Variants in PIBF1 observed in about 807,000 individuals in gnomAD.
PIBF1 encodes progesterone immunomodulatory binding factor 1.
Under a neutral mutation model 112.5 loss-of-function variants are expected in PIBF1, and 90 were observed. The observed-to-expected ratio is 0.80, with a 90% CI of 0.67 to 0.95. The LOEUF is 0.95. Among genes scored for constraint, PIBF1 ranks in the 40% least tolerant of loss-of-function variants. The pLI, the probability that PIBF1 is intolerant of heterozygous loss-of-function variation, is 0.00. For missense variants in PIBF1, 915 were observed against 852.3 expected, an observed-to-expected ratio of 1.07 and a Z score of -0.92; for synonymous variants, 301 against 288.6, an observed-to-expected ratio of 1.04 and a Z score of -0.44.
At position 72,793,395 on chromosome 13, in the gene PIBF1, T is replaced by A. The variant is rs78851602; in HGVS notation, c.353+848T>A. ...ACACTAGATTAGTGGACCTCAAACT[T>A]TAGCATGTATCAGGAACAGTTGAAG... On this transcript the variant is annotated intron_variant, in intron 3 of 17. Transcript: ENST00000326291. Among the ~76,000 whole-genome samples, 1,053 of 152,260 alleles carry A rather than the reference T, an allele frequency of 6.9e-3. 15 individuals carry two copies. The highest frequency in any genetic ancestry group is 0.024 in the African/African-American group (1,017 of 41,554).
Position 72,847,922 on chromosome 13 carries a change from A to T in PIBF1, c.1224-6135A>T, listed in dbSNP as rs144455429. Among the ~76,000 whole-genome samples the T allele has an allele frequency of 2.4e-3, 367 of 152,318 alleles. 1 individual carries two copies. Among genetic ancestry groups the T allele is most frequent in the Non-Finnish European group, 4.2e-3 (288 of 68,034 alleles). On this transcript the variant is annotated intron_variant, in intron 9 of 17. Transcript: ENST00000326291. ...GTCCAGGAAGACGCTGGAGGTAGAG[A>T]TGATAAATTCAAACACTTTTCCTAT...
At chr13:72,848,289 C>A (rs891263587) in intron 9 of PIBF1, among the ~76,000 whole-genome samples, 15 of 152,076 alleles carry the variant, frequency 9.9e-5, no homozygotes, top group Non-Finnish European at 1.6e-4. Flanking sequence ...ATTTTTCTTA[C>A]CACTTTTCAG....
chr13:72,875,598 T>A (rs2039362886), intron 10 of PIBF1, among the ~76,000 whole-genome samples: 1 of 152,196 alleles, frequency 6.6e-6, no homozygotes, highest in Non-Finnish European at 1.5e-5. Context: ...TTTGCCAGCA[T>A]TTGGCATTGC....
intron 17 of PIBF1, among the ~76,000 whole-genome samples, chr13:73,007,296 T>C (rs2044062482): frequency 7.0e-6 from 1 of 143,720 alleles, no homozygotes; most frequent in Admixed American, 6.9e-5. Context: ...AATTTTTGTT[T>C]TTGTTTTTTT....
At chr13:72,811,415 G>A (rs910801886) in intron 5 of PIBF1, among the ~76,000 whole-genome samples, 6 of 151,870 alleles carry the variant, frequency 4.0e-5, no homozygotes, top group Non-Finnish European at 5.9e-5. Context: ...CCTGAACATC[G>A]GGAAACCCCA....
chr13:72,884,462 C>A (rs1180549291), intron 10 of PIBF1: 1 of 152,100 alleles, frequency 6.6e-6, no homozygotes, highest in Admixed American at 6.6e-5. Flanking sequence ...GCAACACTTT[C>A]TGCAAGGGGA....
At chr13:72,993,310 G>A (rs1338446712) in intron 16 of PIBF1, among the ~76,000 whole-genome samples, 1 of 152,048 alleles carries the variant, frequency 6.6e-6, no homozygotes, top group Admixed American at 6.6e-5. Context: ...GGGCGACAGA[G>A]CAAGACCTGT....
intron 5 of PIBF1, among the ~76,000 whole-genome samples, chr13:72,809,322 CT>C (rs2035891912): frequency 6.6e-6 from 1 of 151,484 alleles, no homozygotes; most frequent in African/African-American, 2.4e-5. Context: ...ATATTTAGAA[CT>C]TGGAGAATGG....
intron 14 of PIBF1, among the ~76,000 whole-genome samples, chr13:72,946,219 T>C (rs570083759): frequency 6.6e-6 from 1 of 152,208 alleles, no homozygotes; most frequent in East Asian, 1.9e-4. Context: ...CTTCTTCACA[T>C]GGTGGCAGCA....
chr13:72,904,359 G>A (rs1006688403), intron 11 of PIBF1, among the ~76,000 whole-genome samples: 8 of 146,178 alleles, frequency 5.5e-5, no homozygotes, highest in African/African-American at 1.5e-4. Flanking sequence ...TCATAAAATA[G>A]AACTGGTTTG....
intron 13 of PIBF1, among the ~76,000 whole-genome samples, chr13:72,919,874 T>C (rs749253071): frequency 6.6e-6 from 1 of 152,104 alleles, no homozygotes; most frequent in Non-Finnish European, 1.5e-5. Flanking sequence ...CTCAGGAGGC[T>C]GAGGTGGGAG....
At chr13:72,979,843 A>C (rs1287404534) in intron 16 of PIBF1, among the ~76,000 whole-genome samples, 2 of 151,960 alleles carry the variant, frequency 1.3e-5, no homozygotes, top group Non-Finnish European at 2.9e-5. Context: ...AATGGCATGA[A>C]CCCGGGAGGC....
At chr13:72,952,344 A>T (rs1267828441) in intron 14 of PIBF1, among the ~76,000 whole-genome samples, 5 of 151,944 alleles carry the variant, frequency 3.3e-5, no homozygotes, top group African/African-American at 1.2e-4. Flanking sequence ...GTGAACCACC[A>T]TGCCCGGCCC....
chr13:72,836,098 CAAAAAA>C (rs11382594), intron 9 of PIBF1: 4 of 388,362 alleles, frequency 1.0e-5, no homozygotes, highest in Non-Finnish European at 2.0e-5. Flanking sequence ...GACACCATCT[CAAAAAA>C]AAAAAAGAAA....
intron 16 of PIBF1, among the ~76,000 whole-genome samples, chr13:72,983,763 G>A (rs904249503): frequency 2.0e-5 from 3 of 151,704 alleles, no homozygotes; most frequent in Admixed American, 6.6e-5. Context: ...TCACTCTTTC[G>A]GTTCATACTT....
At chr13:72,800,650 G>T (rs1459978881) in intron 5 of PIBF1, among the ~76,000 whole-genome samples, 2 of 152,056 alleles carry the variant, frequency 1.3e-5, no homozygotes, top group East Asian at 3.9e-4. Flanking sequence ...ACTATATACG[G>T]CATGCATTAT....
chr13:72,785,371 AC>A (rs1262942530), intron 2 of PIBF1, among the ~76,000 whole-genome samples: 2 of 152,170 alleles, frequency 1.3e-5, no homozygotes, highest in Non-Finnish European at 2.9e-5. Flanking sequence ...TATTTCCAGC[AC>A]TTAGAACGGT....
At chr13:72,986,705 ACAGAGTCTC>A (rs1378269420) in intron 16 of PIBF1, among the ~76,000 whole-genome samples, 1 of 119,094 alleles carries the variant, frequency 8.4e-6, no homozygotes, top group Non-Finnish European at 1.6e-5. Context: ...TTTTTTTGAG[ACAGAGTCTC>A]GCTCTGTCGC....
chr13:72,795,048 C>A (rs1053024209), intron 3 of PIBF1, among the ~76,000 whole-genome samples: 2 of 152,032 alleles, frequency 1.3e-5, no homozygotes, highest in African/African-American at 4.8e-5. Context: ...AAGTAGAGTC[C>A]TTGATGTTTA....
Sources: allele counts gnomAD v4.1 joint callset (sites outside exome capture counted in the v4.1 genomes callset), GRCh38; gene constraint gnomAD v4.1.1; transcripts MANE v1.5; gene names NCBI Gene and HGNC (gene_info 2026-07-23, HGNC 2026-07-21).